Variants in LILRB3 observed in about 807,000 individuals in gnomAD.
The protein encoded by LILRB3 is leukocyte immunoglobulin-like receptor subfamily B member 3.
In LILRB3, 32 loss-of-function variants were observed where a neutral mutation model predicts 68.2. The observed-to-expected ratio is 0.47, with a 90% confidence interval of 0.35 to 0.63. The LOEUF is 0.63. LILRB3 is among the 30% of genes least tolerant of loss of function. LILRB3 has a pLI of 0.00. For synonymous variants in LILRB3, 185 were observed against 323.1 expected, an observed-to-expected ratio of 0.57 and a Z score of 4.58; for missense variants, 502 against 791.3, an observed-to-expected ratio of 0.63 and a Z score of 4.39.
chr19:54,217,731 C>G lies in LILRB3; in HGVS notation c.1594-257G>C, dbSNP rs1049670711. 23 of 661,286 alleles carry G rather than the reference C, an allele frequency of 3.5e-5. 1 individual carries two copies. Among genetic ancestry groups the G allele is most frequent in the South Asian group, 1.4e-4 (7 of 50,678 alleles). 41.0% of individuals were successfully genotyped at this position (661,286 alleles called of 1,614,324 possible). On this transcript the variant is annotated intron_variant, in intron 11 of 12. Coordinates refer to ENST00000445347, the Ensembl canonical transcript of LILRB3. ...TCGCTGCTGCCTGGGGGCCTTTGCACGGCTGTTTCCTCTGCCTGCAGGGGC... is the reference window on the plus strand; with the variant it reads ...TCGCTGCTGCCTGGGGGCCTTTGCAGGGCTGTTTCCTCTGCCTGCAGGGGC...
chr19:54,222,331 T>C, exon 3 of LILRB3: 1 of 1,607,010 alleles, frequency 6.2e-7, no homozygotes, highest in South Asian at 1.1e-5. Flanking sequence ...TGCAGAGCTG[T>C]AATAGTGGCA....
intron 7 of LILRB3, 98 bp from the exon 8 acceptor site, chr19:54,219,343 C>A: frequency 1.3e-6 from 2 of 1,481,898 alleles, no homozygotes; most frequent in Non-Finnish European, 1.8e-6. Context: ...ACCTCCAACC[C>A]TCACAAGCAG....
intron 11 of LILRB3, chr19:54,217,762 C>T (rs404109): frequency 0.16 from 93,993 of 602,356 alleles, 6,720 homozygotes; most frequent in African/African-American, 0.34. Flanking sequence ...GGGGCTCGTC[C>T]ATCAGAGGAT....
intron 11 of LILRB3, among the ~76,000 whole-genome samples, chr19:54,217,946 T>C (rs185541363): frequency 0.13 from 18,226 of 143,670 alleles, 1,350 homozygotes; most frequent in African/African-American, 0.22. Flanking sequence ...TCTCCCACCG[T>C]GAGGTGAGCT....
intron 11 of LILRB3, 133 bp from the exon 12 acceptor site, chr19:54,217,607 G>A (rs1202644674): frequency 5.6e-6 from 7 of 1,244,186 alleles, no homozygotes; most frequent in African/African-American, 4.8e-5. Context: ...CCCTAAGGCC[G>A]TGGAGGGTCT....
chr19:54,218,567 A>T, intron 10 of LILRB3, 78 bp downstream of exon 10: 1 of 1,609,616 alleles, frequency 6.2e-7, no homozygotes, highest in Non-Finnish European at 8.5e-7. Flanking sequence ...GACCCTTCCC[A>T]GCCCCTCCCT....
chr19:54,220,921 G>A, intron 5 of LILRB3, 91 bp from the exon 6 acceptor site: 2 of 1,375,786 alleles, frequency 1.5e-6, no homozygotes, highest in East Asian at 3.8e-5. Context: ...CAGTGTCTCT[G>A]TCCCTGTTTT....
chr19:54,218,876 T>C (rs575256093), intron 8 of LILRB3, 38 bp from the exon 9 acceptor site: 1 of 1,613,804 alleles, frequency 6.2e-7, no homozygotes, highest in Admixed American at 1.7e-5. Flanking sequence ...CCTGGGAACA[T>C]TAGAACTCCC....
chr19:54,216,700 TAG>T, exon 13 of LILRB3: 1 of 1,063,370 alleles, frequency 9.4e-7, no homozygotes, highest in Non-Finnish European at 1.1e-6. Flanking sequence ...TTTTTTTTTT[TAG>T]AGACAAGGTC....
chr19:54,219,958 G>A, intron 7 of LILRB3, 197 bp downstream of exon 7: 1 of 1,326,940 alleles, frequency 7.5e-7, no homozygotes, highest in South Asian at 1.3e-5. Flanking sequence ...GGGCTGTCTT[G>A]CCCCCCACAT....
At chr19:54,217,430 C>T (rs765755606) in exon 12 of LILRB3, 2 of 1,609,278 alleles carry the variant, frequency 1.2e-6, no homozygotes, top group South Asian at 2.2e-5. Flanking sequence ...TGGAGTGTTT[C>T]ACCGGGGCAT....
chr19:54,216,942 G>A lies in LILRB3; in HGVS notation c.*151C>T, dbSNP rs2077517681. On this transcript the variant is annotated 3_prime_UTR_variant, in exon 13 of 13. Coordinates refer to ENST00000445347, the Ensembl canonical transcript of LILRB3. ...ACGATATTAGTCATCTTTGAGTCAGGTGAGTCCCACAAGTTCCCAGCGTCT... is the reference window on the plus strand; with the variant it reads ...ACGATATTAGTCATCTTTGAGTCAGATGAGTCCCACAAGTTCCCAGCGTCT... 3 of 1,484,412 alleles carry A rather than the reference G, an allele frequency of 2.0e-6. No individual in the cohort carries two copies. In the East Asian group the frequency reaches 7.3e-5, roughly 36 times the overall value. 92.0% of individuals were successfully genotyped at this position (1,484,412 alleles called of 1,614,324 possible).
exon 13 of LILRB3, chr19:54,216,715 G>A (rs567741402): frequency 4.6e-6 from 5 of 1,077,624 alleles, no homozygotes; most frequent in South Asian, 3.4e-5. Flanking sequence ...ACAAGGTCTC[G>A]CTCTGTCACA....
chr19:54,218,244 C>A, intron 11 of LILRB3, 117 bp downstream of exon 11: 5 of 1,392,062 alleles, frequency 3.6e-6, no homozygotes, highest in Non-Finnish European at 5.1e-6. Flanking sequence ...GCATGCTGGA[C>A]AAGGAGGGGT....
exon 4 of LILRB3, chr19:54,222,115 G>A: frequency 2.5e-6 from 4 of 1,606,498 alleles, no homozygotes; most frequent in South Asian, 1.1e-5. Context: ...TGAGAGGGTG[G>A]GTTTGTTGTA....
Position 54,217,358 on chromosome 19 carries a change from C to G in LILRB3, c.1710G>C (p.Lys570Asn), listed in dbSNP as rs767871498. 14 of 1,588,552 alleles carry G rather than the reference C, an allele frequency of 8.8e-6. No individual in the cohort carries two copies. In the Admixed American group the frequency reaches 2.4e-4, roughly 27 times the overall value. Residue 570 changes from lysine to asparagine, a missense_variant, in exon 12 of 13, where the codon AAG becomes AAC. Physicochemically the swap from Lys to Asn is moderately conservative, Grantham distance 94 (BLOSUM62 0). Around this residue, in one of 8 missense-constraint regions of LILRB3, gnomAD observed 267 missense variants for 245.5 expected, o/e 1.09. Coordinates refer to ENST00000445347, the Ensembl canonical transcript of LILRB3. ...GCCTGTCCTCTTCCACCTGTCTGTC[C>G]TTTGTGTCCAGGAATTCCCCAGACA... is the stretch of plus-strand genomic sequence containing the variant.
chr19:54,217,670 A>G, intron 11 of LILRB3, 196 bp from the exon 12 acceptor site: 1 of 966,916 alleles, frequency 1.0e-6, no homozygotes, highest in Non-Finnish European at 1.5e-6. Context: ...GACCTTGCCC[A>G]TTTGGCTGCA....
intron 7 of LILRB3, chr19:54,219,798 G>T (rs2077903097): frequency 2.6e-6 from 4 of 1,516,932 alleles, no homozygotes; most frequent in South Asian, 2.4e-5. Flanking sequence ...AGAGGAGCCT[G>T]AACCTAGGAC....
At chr19:54,220,890 C>T in intron 5 of LILRB3, 60 bp from the exon 6 acceptor site, 2 of 1,405,920 alleles carry the variant, frequency 1.4e-6, no homozygotes, top group Non-Finnish European at 1.9e-6. Flanking sequence ...GACACCTCCC[C>T]AGGCCTCTCC....
Sources: gnomAD v4.1 joint callset for allele counts (sites outside exome capture counted in the v4.1 genomes callset) on GRCh38, gnomAD v4.1.1 for gene constraint, gnomAD v4.1.1 regional missense constraint, MANE v1.5 for transcripts, NCBI Gene and HGNC (gene_info 2026-07-23, HGNC 2026-07-21) for gene names.